Variants in WWOX observed in about 807,000 individuals in gnomAD.
WWOX encodes WW domain-containing oxidoreductase.
In WWOX, 69 loss-of-function variants were observed where a neutral mutation model predicts 46.2. The ratio of observed to expected loss-of-function variants is 1.49; its 90% CI spans 1.23 to 1.82. WWOX has a LOEUF of 1.82. Among genes scored for constraint, WWOX ranks in the 40% most tolerant of loss-of-function variants. The pLI is 0.00. For missense variants in WWOX, 919 were observed against 542.6 expected (o/e 1.69, Z -6.89); for synonymous variants, 359 against 202.6 (o/e 1.77, Z -6.56).
intron 8 of WWOX, among the ~76,000 whole-genome samples, chr16:78,724,968 T>A (rs2048790649): frequency 6.6e-6 from 1 of 152,210 alleles, no homozygotes; most frequent in Non-Finnish European, 1.5e-5. Flanking sequence ...GTTGCATTAA[T>A]GCACTTTATT....
intron 4 of WWOX, among the ~76,000 whole-genome samples, chr16:78,120,376 C>T (rs1356061057): frequency 6.6e-6 from 1 of 152,076 alleles, no homozygotes; most frequent in East Asian, 1.9e-4. Context: ...CGAGACCATC[C>T]TGGCTAACAA....
chr16:78,696,595 C>T (rs913461769), intron 8 of WWOX, among the ~76,000 whole-genome samples: 20 of 152,216 alleles, frequency 1.3e-4, no homozygotes, highest in Middle Eastern at 3.4e-3. Context: ...CTACCAGGCA[C>T]GGTGTTGCCT....
intron 8 of WWOX, among the ~76,000 whole-genome samples, chr16:78,542,172 G>T (rs574828580): frequency 3.5e-3 from 310 of 89,628 alleles, no homozygotes; most frequent in Non-Finnish European, 1.5e-3. Flanking sequence ...GAAATGTTAA[G>T]CTAACAGAAA....
chr16:78,422,730 TACAC>T (rs1273303713), intron 6 of WWOX, among the ~76,000 whole-genome samples: 1 of 92,964 alleles, frequency 1.1e-5, no homozygotes, highest in Non-Finnish European at 1.9e-5. Flanking sequence ...CATATATATA[TACAC>T]ACACATATAT....
rs1051468218 is a variant in WWOX, at chr16:78,491,771, C to T, written c.1056+59019C>T. On this transcript the variant is annotated intron_variant, in intron 8 of 8. Coordinates refer to ENST00000566780, the MANE Select transcript of WWOX (RefSeq NM_016373.4). ...GGGAGATGGGAGCTGAATTTGAAAC[C>T]CCAGGAGAAAATAGCATATAAAGTC... Among the ~76,000 whole-genome samples the T allele has an allele frequency of 3.3e-5, 5 of 152,106 alleles. No individual in the cohort carries two copies. The East Asian group carries it at 7.7e-4, about 23-fold the overall frequency.
chr16:78,729,070 C>T (rs2048902696), intron 8 of WWOX, among the ~76,000 whole-genome samples: 1 of 152,112 alleles, frequency 6.6e-6, no homozygotes, highest in Admixed American at 6.5e-5. Flanking sequence ...CTGCTGGTTT[C>T]AGTGGCTCAT....
chr16:79,192,534 C>G (rs1448433999), intron 8 of WWOX, among the ~76,000 whole-genome samples: 2 of 152,160 alleles, frequency 1.3e-5, no homozygotes, highest in African/African-American at 2.4e-5. Context: ...GAGGTTGTAC[C>G]TGGTAAGGTC....
intron 8 of WWOX, among the ~76,000 whole-genome samples, chr16:78,793,158 T>C (rs534072695): frequency 2.6e-5 from 4 of 152,192 alleles, no homozygotes; most frequent in Non-Finnish European, 5.9e-5. Context: ...CTGCAACTGC[T>C]GTCTCATGGG....
intron 8 of WWOX, among the ~76,000 whole-genome samples, chr16:79,055,124 CAGGT>C (rs1250913992): frequency 6.6e-6 from 1 of 152,098 alleles, no homozygotes; most frequent in Non-Finnish European, 1.5e-5. Context: ...TGAGACAAAA[CAGGT>C]AGAAGAAAAA....
intron 8 of WWOX, among the ~76,000 whole-genome samples, chr16:78,982,260 A>C (rs1422970869): frequency 6.6e-6 from 1 of 152,240 alleles, no homozygotes; most frequent in East Asian, 1.9e-4. Context: ...TCCAAAATAC[A>C]GACAGGCAAG....
chr16:78,488,412 G>C (rs933213729), intron 8 of WWOX, among the ~76,000 whole-genome samples: 4 of 152,012 alleles, frequency 2.6e-5, no homozygotes, highest in African/African-American at 9.7e-5. Flanking sequence ...CCTGCACAGT[G>C]GTACACCTGA....
intron 8 of WWOX, among the ~76,000 whole-genome samples, chr16:78,766,675 GT>G (rs1305555433): frequency 2.0e-5 from 3 of 152,196 alleles, no homozygotes; most frequent in African/African-American, 7.2e-5. Flanking sequence ...AGTTAATCAA[GT>G]TTGTTAGACT....
chr16:78,432,660 C>T lies in WWOX; in HGVS notation c.964C>T (p.His322Tyr), dbSNP rs768037226. 6.2e-7 allele frequency: 1 copy of T among 1,614,072 alleles called. No individual in the cohort carries two copies. Among genetic ancestry groups the T allele is most frequent in the African/African-American group, 1.3e-5 (1 of 74,910 alleles). The change falls in exon 8 of 9, where the codon CAT (histidine) becomes TAT (tyrosine). Residue 322 changes from histidine to tyrosine, a missense_variant. Coordinates refer to ENST00000566780, the MANE Select transcript of WWOX (RefSeq NM_016373.4). ...SPRGVTSNAV[H>Y]PGNMMYSNIH... Reference sequence around the variant, plus strand: ...ACGCGGGGTCACGTCGAACGCAGTGCATCCTGGAAATATGATGTACTCCAA... The same window carrying T: ...ACGCGGGGTCACGTCGAACGCAGTGTATCCTGGAAATATGATGTACTCCAA...
At position 78,994,969 on chromosome 16, in the gene WWOX, C is replaced by CTTCTT. The variant is rs1382826788; in HGVS notation, c.1057-216637_1057-216636insCTTTT. Among the ~76,000 whole-genome samples, 118 of 114,620 alleles carry CTTCTT rather than the reference C, an allele frequency of 1.0e-3. 1 individual carries two copies. Among genetic ancestry groups the CTTCTT allele is most frequent in the South Asian group, 1.8e-3 (6 of 3,402 alleles). The allele number at this position is 114,620 out of a possible 152,430, so 75.2% of individuals were successfully genotyped here. Reference sequence around the variant, plus strand: ...TCTTTCTTTTCTTCTTCTTCTTCTTCTTTTTTTTTTTTTTTTTTTGTTTTT... The same window carrying CTTCTT: ...TCTTTCTTTTCTTCTTCTTCTTCTTCTTCTTTTTTTTTTTTTTTTTTTTTGTTTTT... On this transcript the variant is annotated intron_variant, in intron 8 of 8. Coordinates refer to ENST00000566780, the MANE Select transcript of WWOX (RefSeq NM_016373.4).
At chr16:79,140,845 C>T (rs188983316) in intron 8 of WWOX, among the ~76,000 whole-genome samples, 1 of 152,290 alleles carries the variant, frequency 6.6e-6, no homozygotes, top group East Asian at 1.9e-4. Flanking sequence ...CTTCTTGTCA[C>T]TCAAACAGTT....
intron 8 of WWOX, among the ~76,000 whole-genome samples, chr16:79,010,728 G>A (rs1185024407): frequency 1.3e-5 from 2 of 151,790 alleles, no homozygotes; most frequent in Non-Finnish European, 2.9e-5. Flanking sequence ...GGGTACCAAG[G>A]GGTAGAGATG....
intron 8 of WWOX, among the ~76,000 whole-genome samples, chr16:78,588,518 G>A (rs943574028): frequency 5.9e-5 from 9 of 152,126 alleles, no homozygotes; most frequent in African/African-American, 1.7e-4. Flanking sequence ...TCTTGTAGCA[G>A]GTCATGAAGA....
chr16:78,569,907 G>A (rs901944836), intron 8 of WWOX, among the ~76,000 whole-genome samples: 7 of 152,054 alleles, frequency 4.6e-5, no homozygotes, highest in South Asian at 2.1e-4. Flanking sequence ...AATACCCATC[G>A]GTACCTCTTG....
intron 8 of WWOX, chr16:79,077,840 G>A (rs8049292): frequency 6.6e-6 from 1 of 151,878 alleles, no homozygotes; most frequent in Non-Finnish European, 1.5e-5. Context: ...AAGAAGTCCT[G>A]TGCAAGGATC....
Sources: gnomAD v4.1 joint callset for allele counts (sites outside exome capture counted in the v4.1 genomes callset) on GRCh38, gnomAD v4.1.1 for gene constraint, MANE v1.5 for transcripts, NCBI Gene and HGNC (gene_info 2026-07-23, HGNC 2026-07-21) for gene names.